CEP72: variants seen among roughly 807,000 people sequenced by gnomAD.
CEP72 encodes centrosomal protein 72, also known as centrosomal protein of 72 kDa.
CEP72 carries 78 observed loss-of-function variants against 65.7 expected under a neutral mutation model. The observed-to-expected ratio is 1.19, with a 90% confidence interval of 0.99 to 1.43. The LOEUF is 1.43. Ranked by LOEUF, CEP72 falls within the 40% of genes most tolerant of loss-of-function variation. The probability of loss-of-function intolerance (pLI) is 0.00; values close to 1 mark genes in which losing one functional copy is unlikely to be tolerated. For synonymous variants in CEP72, 358 were observed against 351.7 expected (o/e 1.02, Z -0.20); for missense variants, 914 against 832.9 (o/e 1.10, Z -1.20).
downstream of CEP72, among the ~76,000 whole-genome samples, chr5:656,245 C>T (rs540090996): frequency 2.0e-5 from 3 of 152,150 alleles, no homozygotes; most frequent in South Asian, 2.1e-4. Flanking sequence ...CACTCTGGGG[C>T]GCGTACCTCC....
chr5:653,300 C>A lies in CEP72; in HGVS notation c.*147C>A. 1 of 773,738 alleles carries A rather than the reference C, an allele frequency of 1.3e-6. No homozygotes were observed. The highest frequency in any genetic ancestry group is 1.9e-6 in the Non-Finnish European group (1 of 524,118). 47.9% of individuals were successfully genotyped at this position (773,738 alleles called of 1,614,324 possible). A position where few individuals can be genotyped will look rare whatever the true frequency, so the allele number is the denominator to read the frequency against. ...TAGGATTTTTGGAATGTATTCAGGA[C>A]CTGTAGCTTGGTTTTCTAAAGCACC... On this transcript the variant is annotated 3_prime_UTR_variant, in exon 12 of 12. Transcript: ENST00000264935.
At chr5:656,590 A>G (rs1580054097), downstream of CEP72, among the ~76,000 whole-genome samples, 1 of 152,174 alleles carries the variant, frequency 6.6e-6, no homozygotes, top group African/African-American at 2.4e-5. Flanking sequence ...ATGTGTTGCC[A>G]TTTCATGGAA....
At chr5:619,478 G>T (rs999678539) in intron 2 of CEP72, among the ~76,000 whole-genome samples, 2 of 152,154 alleles carry the variant, frequency 1.3e-5, no homozygotes, top group Non-Finnish European at 2.9e-5. Context: ...GGCCTGATTG[G>T]CCCTGACAGA....
intron 5 of CEP72, among the ~76,000 whole-genome samples, chr5:634,756 A>T (rs952444897): frequency 1.8e-4 from 27 of 152,240 alleles, no homozygotes; most frequent in African/African-American, 4.6e-4. Context: ...TGGTTTTGAC[A>T]CAGGCCCTTT....
chr5:671,210 A>C (rs1390612401), downstream of CEP72, among the ~76,000 whole-genome samples: 1 of 146,850 alleles, frequency 6.8e-6, no homozygotes, highest in East Asian at 2.0e-4. Context: ...GCTGCTAATT[A>C]ATTTTGCGTT....
At chr5:656,262 T>C (rs1739376054), downstream of CEP72, among the ~76,000 whole-genome samples, 1 of 152,204 alleles carries the variant, frequency 6.6e-6, no homozygotes, top group African/African-American at 2.4e-5. Flanking sequence ...CTCCATCTTA[T>C]GTTAGGATGT....
At chr5:655,891 T>A (rs1220961450), downstream of CEP72, among the ~76,000 whole-genome samples, 3 of 152,234 alleles carry the variant, frequency 2.0e-5, no homozygotes. This position sits in a 1 kb window ranked among gnomAD's most constrained non-coding sequence, Gnocchi z 5.0. Flanking sequence ...TTCAATGGTG[T>A]CTTTTAAGAG....
intron 7 of CEP72, among the ~76,000 whole-genome samples, chr5:638,591 C>T (rs886976509): frequency 4.7e-5 from 7 of 150,214 alleles, no homozygotes; most frequent in Non-Finnish European, 1.0e-4. Flanking sequence ...CTGGGTGGGG[C>T]GTGTTTGACG....
intron 7 of CEP72, among the ~76,000 whole-genome samples, chr5:638,726 G>A (rs1737794694): frequency 6.6e-6 from 1 of 152,188 alleles, no homozygotes. Context: ...CAGCCTGACT[G>A]TGGGTGCAGG....
Position 624,571 on chromosome 5 carries a change from A to G in CEP72, c.504A>G (p.Lys168=). The G allele has an allele frequency of 6.2e-7, 1 of 1,609,370 alleles. No homozygotes were observed. Among genetic ancestry groups the G allele is most frequent in the Non-Finnish European group, 8.5e-7 (1 of 1,175,622 alleles). The change falls in exon 4 of 12, where the codon AAA becomes AAG. Residue 168 remains lysine (K), a synonymous_variant. Transcript: ENST00000264935. The surrounding 1 kb of genome is among the most constrained non-coding windows in gnomAD (Gnocchi z 4.7). ...AAGAGAGCGTCCCAGCTTCTTTGAA[A>G]GAGGGCAGGTATGAACGGAAGTGCT... The part of the protein sequence containing the change: ...DSKESVPASL[K]EGRPHHPRAK...
At chr5:649,297 G>C (rs1410293315) in intron 11 of CEP72, among the ~76,000 whole-genome samples, 2 of 123,004 alleles carry the variant, frequency 1.6e-5, no homozygotes, top group Admixed American at 8.1e-5. Flanking sequence ...GGCATGGACT[G>C]TGAGGCGTGA....
chr5:649,239 GACTGTGAGGTGTGGACTGTGAGGTGT>G, intron 11 of CEP72, among the ~76,000 whole-genome samples: 1 of 33,860 alleles, frequency 3.0e-5, no homozygotes. Context: ...TGTGAGGTGT[GACTGTGAGGTGTGGACTGTGAGGTGT>G]GACTGTGAGG....
At chr5:620,521 T>A (rs1356611397) in intron 3 of CEP72, among the ~76,000 whole-genome samples, 1 of 152,208 alleles carries the variant, frequency 6.6e-6, no homozygotes, top group Non-Finnish European at 1.5e-5. Context: ...CGGACCAGGC[T>A]GCTACGTCCT....
In CEP72 at chr5:645,860, G is replaced by T. The variant is rs1181876432; in HGVS notation, c.1666+1435G>T. 2.0e-5 allele frequency among the ~76,000 whole-genome samples: 3 copies of T among 152,258 alleles called. No individual in the cohort carries two copies. Among genetic ancestry groups the T allele is most frequent in the African/African-American group, 7.2e-5 (3 of 41,472 alleles). On this transcript the variant is annotated intron_variant, in intron 10 of 11. Transcript: ENST00000264935. This position sits in a 1 kb window ranked among gnomAD's most constrained non-coding sequence, Gnocchi z 4.0. ...TGGTTTGGTGATGTTCTTGTGACTA[G>T]AAATTGCTGTGTGAGCGTCACTCCT...
At chr5:669,147 G>A (rs530529890), downstream of CEP72, among the ~76,000 whole-genome samples, 23 of 152,322 alleles carry the variant, frequency 1.5e-4, no homozygotes, top group African/African-American at 4.6e-4. Flanking sequence ...CGCTGTGTCC[G>A]GAGGGGGCTT....
downstream of CEP72, among the ~76,000 whole-genome samples, chr5:669,479 G>A (rs894708916): frequency 2.0e-5 from 3 of 152,078 alleles, no homozygotes; most frequent in Admixed American, 6.5e-5. Context: ...TGACTCTCTG[G>A]GGCCCTTGGG....
intron 11 of CEP72, among the ~76,000 whole-genome samples, chr5:648,750 T>C (rs1738637163): frequency 1.3e-5 from 1 of 79,214 alleles, no homozygotes; most frequent in South Asian, 4.5e-4. Flanking sequence ...CTGTGAGGTG[T>C]GGACTGTGAG....
downstream of CEP72, among the ~76,000 whole-genome samples, chr5:656,568 AT>A (rs1739385035): frequency 6.6e-6 from 1 of 151,908 alleles, no homozygotes; most frequent in Non-Finnish European, 1.5e-5. Flanking sequence ...CTTGGATTTC[AT>A]TTTCCTAATT....
intron 2 of CEP72, chr5:665,035 T>C: frequency 6.5e-7 from 1 of 1,537,066 alleles, no homozygotes; most frequent in Non-Finnish European, 8.8e-7. Context: ...AGGAATGTAA[T>C]GAAGTGCGAG....
Sources: allele counts gnomAD v4.1 joint callset (sites outside exome capture counted in the v4.1 genomes callset), GRCh38; gene constraint gnomAD v4.1.1; non-coding constraint Gnocchi (gnomAD v3.1); transcripts MANE v1.5; gene names NCBI Gene and HGNC (gene_info 2026-07-23, HGNC 2026-07-21).